Variants in ZNHIT6 observed in about 807,000 individuals in gnomAD.
ZNHIT6 encodes the protein zinc finger HIT-type containing 6.
In ZNHIT6, 45 loss-of-function variants were observed where a neutral mutation model predicts 57.2. The ratio of observed to expected loss-of-function variants is 0.79; its 90% CI spans 0.62 to 1.01. The LOEUF is 1.01. ZNHIT6 is among the 50% of genes least tolerant of loss of function. The probability of loss-of-function intolerance (pLI) is 0.00; values close to 1 mark genes in which losing one functional copy is unlikely to be tolerated. For missense variants in ZNHIT6, 528 were observed against 567.3 expected (o/e 0.93, Z 0.70); for synonymous variants, 188 against 190.0 (o/e 0.99, Z 0.09).
At chr1:85,706,023 G>T (rs1162016484) in intron 4 of ZNHIT6, 55 bp downstream of exon 4, 12 of 1,196,836 alleles carry the variant, frequency 1.0e-5, no homozygotes, top group South Asian at 3.0e-5. Flanking sequence ...AAAAAAAAAA[G>T]AATCTAATTG....
In ZNHIT6 at chr1:85,653,814, G is replaced by A; in HGVS notation, c.*244C>T. On this transcript the variant is annotated 3_prime_UTR_variant, in exon 10 of 10. Coordinates refer to ENST00000370574, the MANE Select transcript of ZNHIT6 (RefSeq NM_017953.4). ...GCAATTAAGCATATTAAAAAGCCAG[G>A]GCCTAATAAGTACTATGCTGATCAA... 1 of 392,052 alleles carries A rather than the reference G, an allele frequency of 2.6e-6. No individual in the cohort carries two copies. The highest frequency in any genetic ancestry group is 4.5e-6 in the Non-Finnish European group (1 of 222,760). 24.3% of individuals were successfully genotyped at this position (392,052 alleles called of 1,614,324 possible).
intron 8 of ZNHIT6, among the ~76,000 whole-genome samples, chr1:85,659,168 A>G (rs1277774397): frequency 3.3e-5 from 5 of 152,208 alleles, no homozygotes; most frequent in Non-Finnish European, 1.5e-5. Context: ...GTCACAGGTA[A>G]TTAGATGCTA....
intron 5 of ZNHIT6, among the ~76,000 whole-genome samples, chr1:85,684,317 C>T (rs561218624): frequency 4.7e-4 from 72 of 152,264 alleles, no homozygotes; most frequent in Non-Finnish European, 8.8e-4. Context: ...ACCCAAGTAA[C>T]TATTCATGCA....
intron 4 of ZNHIT6, among the ~76,000 whole-genome samples, 178 bp from the exon 5 acceptor site, chr1:85,702,438 C>T (rs1662563125): frequency 6.6e-6 from 1 of 152,100 alleles, no homozygotes; most frequent in Non-Finnish European, 1.5e-5. Context: ...CTATCATCTC[C>T]ATTTTAGCAA....
rs1010101080 is a variant in ZNHIT6 at position 85,700,610 on chromosome 1, G to A, written c.1019+1547C>T. Among the ~76,000 whole-genome samples the A allele has an allele frequency of 7.2e-5, 11 of 152,110 alleles. 1 individual carries two copies. The highest frequency in any genetic ancestry group is 2.6e-4 in the Admixed American group (4 of 15,276). ...TTGAGGCCATCTGCTTTTCATTACT[G>A]AGAACTAATCTCTGATTACAATCAT... On this transcript the variant is annotated intron_variant, in intron 5 of 9. Transcript: ENST00000370574.
intron 9 of ZNHIT6, 98 bp from the exon 10 acceptor site, chr1:85,654,196 GCACT>G: frequency 9.7e-7 from 1 of 1,029,256 alleles, no homozygotes; most frequent in Non-Finnish European, 1.4e-6. Flanking sequence ...TACAGCAAAA[GCACT>G]GCTCACAGGG....
At chr1:85,696,206 A>G (rs1226658589) in intron 5 of ZNHIT6, among the ~76,000 whole-genome samples, 1 of 149,392 alleles carries the variant, frequency 6.7e-6, no homozygotes, top group Admixed American at 6.7e-5. Flanking sequence ...ACAGGGTCTC[A>G]CTCTGTCGCC....
intron 8 of ZNHIT6, among the ~76,000 whole-genome samples, chr1:85,675,429 C>G (rs1431102414): frequency 6.6e-6 from 1 of 152,040 alleles, no homozygotes; most frequent in African/African-American, 2.4e-5. Flanking sequence ...TTTTTCTGAG[C>G]AGTAGACTTA....
chr1:85,675,349 C>A (rs1249359806), intron 8 of ZNHIT6, among the ~76,000 whole-genome samples: 1 of 152,228 alleles, frequency 6.6e-6, no homozygotes, highest in South Asian at 2.1e-4. Context: ...AATGTTATAA[C>A]TTTCCTTCTT....
chr1:85,694,159 G>A (rs1238906044), intron 5 of ZNHIT6, among the ~76,000 whole-genome samples: 1 of 152,090 alleles, frequency 6.6e-6, no homozygotes, highest in Non-Finnish European at 1.5e-5. Context: ...GATTATACAG[G>A]TGCATGTATT....
At position 85,650,264 on chromosome 1, in the gene ZNHIT6, G is replaced by C. The variant is rs376918152; in HGVS notation, c.*3794C>G. ...AGGTAAGCTGAAAATGTCAATTGCT[G>C]TTATCCACCATCCTCTCACCTCACT... On this transcript the variant is annotated 3_prime_UTR_variant, in exon 10 of 10. Transcript: ENST00000370574. The C allele has an allele frequency of 1.8e-3, 268 of 152,350 alleles. No individual in the cohort carries two copies. The highest frequency in any genetic ancestry group is 6.2e-3 in the African/African-American group (259 of 41,572). The allele number at this position is 152,350 out of a possible 1,614,324, so 9.4% of individuals were successfully genotyped here. A position where few individuals can be genotyped will look rare whatever the true frequency, so the allele number is the denominator to read the frequency against.
intron 5 of ZNHIT6, among the ~76,000 whole-genome samples, chr1:85,698,880 G>A (rs1662453640): frequency 6.6e-6 from 1 of 151,998 alleles, no homozygotes; most frequent in African/African-American, 2.4e-5. Context: ...AGTAAATGTG[G>A]CATATTCCTA....
At chr1:85,703,287 G>A (rs1020027813) in intron 4 of ZNHIT6, among the ~76,000 whole-genome samples, 4 of 152,170 alleles carry the variant, frequency 2.6e-5, no homozygotes, top group African/African-American at 9.6e-5. Flanking sequence ...TTATGGCTAT[G>A]GACCATCCCT....
intron 8 of ZNHIT6, among the ~76,000 whole-genome samples, chr1:85,663,998 G>A (rs1432223448): frequency 6.6e-6 from 1 of 152,058 alleles, no homozygotes; most frequent in Non-Finnish European, 1.5e-5. Flanking sequence ...CTTTCATTTC[G>A]ACCTTGGAAA....
chr1:85,695,011 C>A (rs1303864222), intron 5 of ZNHIT6, among the ~76,000 whole-genome samples: 1 of 152,098 alleles, frequency 6.6e-6, no homozygotes, highest in South Asian at 2.1e-4. Flanking sequence ...CATCTGTAAT[C>A]CCAGCACTTT....
At chr1:85,688,205 A>G (rs769671664) in intron 5 of ZNHIT6, among the ~76,000 whole-genome samples, 7 of 152,210 alleles carry the variant, frequency 4.6e-5, no homozygotes, top group Non-Finnish European at 8.8e-5. Flanking sequence ...TTTAATCCTT[A>G]TAATTCTATG....
rs145166739 is a variant in ZNHIT6 at position 85,707,739 on chromosome 1, T to C, written c.546A>G (p.Val182=). 1.7e-5 allele frequency: 28 copies of C among 1,613,794 alleles called. No individual in the cohort carries two copies. The highest frequency in any genetic ancestry group is 2.1e-5 in the Non-Finnish European group (25 of 1,179,950). Residue 182 remains valine (V), a synonymous_variant, in exon 1 of 10, where the codon GTA becomes GTG. Coordinates refer to ENST00000370574, the MANE Select transcript of ZNHIT6 (RefSeq NM_017953.4). The part of the protein sequence containing the change: ...IKEELMHGEC[V]KEEKDFLKKE... ...TCTTCAGGAAATCCTTCTCTTCTTT[T>C]ACACACTCTCCATGCATCAATTCCT...
intron 5 of ZNHIT6, among the ~76,000 whole-genome samples, chr1:85,686,183 A>G (rs984355784): frequency 6.6e-6 from 1 of 151,444 alleles, no homozygotes; most frequent in African/African-American, 2.4e-5. Context: ...GGATGGTCTC[A>G]ATCTCCTGAC....
At chr1:85,673,494 C>T (rs1311805623) in intron 8 of ZNHIT6, among the ~76,000 whole-genome samples, 3 of 152,260 alleles carry the variant, frequency 2.0e-5, no homozygotes, top group South Asian at 2.1e-4. Flanking sequence ...TTGCTATATA[C>T]CTTCCAAGAA....
Sources: gnomAD v4.1 joint callset for allele counts (sites outside exome capture counted in the v4.1 genomes callset) on GRCh38, gnomAD v4.1.1 for gene constraint, MANE v1.5 for transcripts, NCBI Gene and HGNC (gene_info 2026-07-23, HGNC 2026-07-21) for gene names.